The following ENTPD1 variants were observed in gnomAD, a reference collection of about 807,000 sequenced individuals.
ENTPD1 encodes ATP diphosphohydrolase.
Under a neutral mutation model 57.0 loss-of-function variants are expected in ENTPD1, and 33 were observed. That is an observed-to-expected ratio of 0.58 (90% CI 0.44 to 0.77). The LOEUF is 0.77. ENTPD1 is among the 30% of genes least tolerant of loss of function. The pLI is 0.00. For synonymous variants in ENTPD1, 202 were observed against 218.8 expected, an observed-to-expected ratio of 0.92 and a Z score of 0.68; for missense variants, 501 against 603.4, an observed-to-expected ratio of 0.83 and a Z score of 1.78.
At chr10:95,813,899 A>G (rs1165343411) in intron 1 of ENTPD1, among the ~76,000 whole-genome samples, 2 of 152,176 alleles carry the variant, frequency 1.3e-5, no homozygotes, top group African/African-American at 4.8e-5. Context: ...TGCTTCCACT[A>G]TTATCCAGCA....
chr10:95,857,756 C>G (rs186554220), intron 7 of ENTPD1, among the ~76,000 whole-genome samples: 7 of 152,316 alleles, frequency 4.6e-5, no homozygotes, highest in African/African-American at 1.7e-4. Context: ...GCAGATTCAA[C>G]CAAGAACAAG....
At position 95,845,668 on chromosome 10, in the gene ENTPD1, G is replaced by A. The variant is rs761156425; in HGVS notation, c.813+72G>A. On this transcript the variant is annotated intron_variant, in intron 6 of 9. Transcript: ENST00000371205. ...CAGCCCCCACATCCTGTTGTTTTCT[G>A]TTTCAAATTCAGTAGTTTGTCTGAA... 78 of 1,613,472 alleles carry A rather than the reference G, an allele frequency of 4.8e-5. No individual in the cohort carries two copies. In the Middle Eastern group the frequency reaches 1.3e-3, roughly 27 times the overall value.
chr10:95,869,299 G>A lies in ENTPD1; in HGVS notation c.*2916G>A, dbSNP rs1307310418. The A allele has an allele frequency of 2.1e-6, 2 of 944,992 alleles. No individual in the cohort carries two copies. Among genetic ancestry groups the A allele is most frequent in the Non-Finnish European group, 2.5e-6 (2 of 802,368 alleles). The allele number at this position is 944,992 out of a possible 1,614,324, so 58.5% of individuals were successfully genotyped here. ...GAGTCTCACTCCATTGCCCAGGCTGGAGTGCAGTGGTGCTATCTCGGCTCA... is the reference window on the plus strand; with the variant it reads ...GAGTCTCACTCCATTGCCCAGGCTGAAGTGCAGTGGTGCTATCTCGGCTCA... On this transcript the variant is annotated 3_prime_UTR_variant, in exon 10 of 10. Coordinates refer to ENST00000371205, the MANE Select transcript of ENTPD1 (RefSeq NM_001776.6).
intron 1 of ENTPD1, among the ~76,000 whole-genome samples, chr10:95,780,347 A>G (rs1047750869): frequency 1.8e-4 from 28 of 152,218 alleles, no homozygotes; most frequent in Admixed American, 7.9e-4. Flanking sequence ...GTATATTTGT[A>G]TAGACAGTGC....
intron 1 of ENTPD1, among the ~76,000 whole-genome samples, chr10:95,712,207 A>G (rs539373387): frequency 3.9e-4 from 59 of 152,282 alleles, no homozygotes; most frequent in African/African-American, 1.3e-3. Flanking sequence ...TTCCAGAAAT[A>G]GTCTTTGTCT....
intron 1 of ENTPD1, among the ~76,000 whole-genome samples, chr10:95,739,546 G>A (rs1422271992): frequency 1.3e-5 from 2 of 152,196 alleles, no homozygotes; most frequent in African/African-American, 4.8e-5. Context: ...ATCATGAGAT[G>A]TAGCAACTCA....
chr10:95,857,026 G>T (rs1021816972), intron 7 of ENTPD1, among the ~76,000 whole-genome samples: 1 of 151,702 alleles, frequency 6.6e-6, no homozygotes, highest in African/African-American at 2.4e-5. Context: ...TAATAAGCCA[G>T]CATTTTAAAG....
At position 95,868,473 on chromosome 10, in the gene ENTPD1, C is replaced by CA; in HGVS notation, c.*2091dup. On this transcript the variant is annotated 3_prime_UTR_variant, in exon 10 of 10. Transcript: ENST00000371205. Reference sequence around the variant, plus strand: ...TGGCTTCCTAATTTTAATGTTTGCTCACAGCATAGTAGATTGACATCAAAT... The same window carrying CA: ...TGGCTTCCTAATTTTAATGTTTGCTCAACAGCATAGTAGATTGACATCAAAT... 1 of 985,360 alleles carries CA rather than the reference C, an allele frequency of 1.0e-6. No individual in the cohort carries two copies. The highest frequency in any genetic ancestry group is 1.2e-6 in the Non-Finnish European group (1 of 829,932). 61.0% of individuals were successfully genotyped at this position (985,360 alleles called of 1,614,324 possible).
intron 1 of ENTPD1, among the ~76,000 whole-genome samples, chr10:95,720,414 G>A (rs2097976202): frequency 2.0e-5 from 3 of 152,190 alleles, no homozygotes; most frequent in African/African-American, 7.2e-5. Flanking sequence ...AAAAGCATGT[G>A]AAAGAGTAAT....
chr10:95,809,548 C>A (rs1258781003), intron 1 of ENTPD1, among the ~76,000 whole-genome samples: 4 of 147,532 alleles, frequency 2.7e-5, no homozygotes, highest in Admixed American at 2.7e-4. Context: ...CCCCACCTCC[C>A]AGATGGGGCG....
At chr10:95,748,448 C>T (rs2098008392) in intron 1 of ENTPD1, among the ~76,000 whole-genome samples, 1 of 152,170 alleles carries the variant, frequency 6.6e-6, no homozygotes, top group African/African-American at 2.4e-5. Flanking sequence ...AATAATAAAA[C>T]ATATCCCCAT....
At chr10:95,761,184 C>T (rs1400042905) in intron 1 of ENTPD1, among the ~76,000 whole-genome samples, 1 of 152,076 alleles carries the variant, frequency 6.6e-6, no homozygotes, top group Non-Finnish European at 1.5e-5. Flanking sequence ...AGGGCAGCCC[C>T]TGTGGTGAAG....
chr10:95,708,211 T>G (rs1313755562), upstream of ENTPD1, among the ~76,000 whole-genome samples: 1 of 43,570 alleles, frequency 2.3e-5, no homozygotes, highest in Non-Finnish European at 7.4e-5. Flanking sequence ...TTATTTATTT[T>G]TATTTTATTT....
intron 1 of ENTPD1, among the ~76,000 whole-genome samples, chr10:95,790,576 C>A (rs1471902016): frequency 6.6e-6 from 1 of 151,944 alleles, no homozygotes; most frequent in African/African-American, 2.4e-5. Context: ...TACTTATTAC[C>A]CATCATTACA....
At chr10:95,694,389 T>C in the ENTPD1 span, among the ~76,000 whole-genome samples, 1 of 150,428 alleles carries the variant, frequency 6.6e-6, no homozygotes, top group Non-Finnish European at 1.5e-5. Flanking sequence ...TCACATACCT[T>C]AAAAAACAGT....
At position 95,779,582 on chromosome 10, in the gene ENTPD1, T is replaced by G. The variant is rs570555523; in HGVS notation, c.16+23327T>G. ...CCTAGAAAGTAATACTTTTGATGTT[T>G]CTCACAAATTATAATTTCTAGGACT... On this transcript the variant is annotated intron_variant, in intron 1 of 9. Transcript: ENST00000371205. 5.3e-4 allele frequency among the ~76,000 whole-genome samples: 80 copies of G among 152,290 alleles called. 1 individual carries two copies. In the South Asian group the frequency reaches 0.016, roughly 31 times the overall value.
chr10:95,731,657 G>A lies in ENTPD1; in HGVS notation c.37+19664G>A, dbSNP rs116181909. On this transcript the variant is annotated intron_variant, in intron 1 of 9. Coordinates refer to the ENTPD1 transcript ENST00000453258. Reference sequence around the variant, plus strand: ...TGTTCCCCTGAGTTGGAACAGCTATGAGCTGTATTCTACACCTGTTTCCCA... The same window carrying A: ...TGTTCCCCTGAGTTGGAACAGCTATAAGCTGTATTCTACACCTGTTTCCCA... Among the ~76,000 whole-genome samples, 219 of 152,214 alleles carry A rather than the reference G, an allele frequency of 1.4e-3. 2 individuals are homozygous for A. The highest frequency in any genetic ancestry group is 5.2e-3 in the African/African-American group (215 of 41,524).
chr10:95,807,818 G>A (rs2098279415), intron 1 of ENTPD1, among the ~76,000 whole-genome samples: 1 of 152,208 alleles, frequency 6.6e-6, no homozygotes, highest in South Asian at 2.1e-4. Flanking sequence ...GAGCTTTGGG[G>A]CTGAGACCAT....
chr10:95,731,486 A>C (rs2097989005), intron 1 of ENTPD1, among the ~76,000 whole-genome samples: 1 of 150,992 alleles, frequency 6.6e-6, no homozygotes, highest in Non-Finnish European at 1.5e-5. Context: ...AATACCTGCC[A>C]CTCTCTGCCT....
Sources: gnomAD v4.1 joint callset for allele counts (sites outside exome capture counted in the v4.1 genomes callset) on GRCh38, gnomAD v4.1.1 for gene constraint, MANE v1.5 for transcripts, NCBI Gene and HGNC (gene_info 2026-07-23, HGNC 2026-07-21) for gene names.